MYRFL: variants seen among roughly 807,000 people sequenced by gnomAD.
MYRFL encodes the protein myelin regulatory factor like.
Under a neutral mutation model 109.4 loss-of-function variants are expected in MYRFL, and 88 were observed. The ratio of observed to expected loss-of-function variants is 0.80; its 90% CI spans 0.68 to 0.96. The LOEUF (loss-of-function observed/expected upper bound fraction) is 0.96. MYRFL is among the 40% of genes least tolerant of loss of function. The pLI, the probability that MYRFL is intolerant of heterozygous loss-of-function variation, is 0.00. For missense variants in MYRFL, 957 were observed against 954.9 expected (o/e 1.00, Z -0.03); for synonymous variants, 324 against 320.9 (o/e 1.01, Z -0.10).
Position 69,932,588 on chromosome 12 carries a change from A to T in MYRFL, c.1906A>T (p.Met636Leu). The stretch of plus-strand genomic sequence containing the variant: ...CTTGGTTATAACTCTGATTGCTGTG[A>T]TGGCATTTTGGTAAGAAAAAGTTCA... ...QTLVITLIAV[M>L]AFCALTIVAL... Residue 636 changes from methionine (M) to leucine (L), a missense_variant, in exon 16 of 25, where the codon ATG (methionine) becomes TTG (leucine). Transcript: ENST00000552032. 2 of 1,535,768 alleles carry T rather than the reference A, an allele frequency of 1.3e-6. No homozygotes were observed. The highest frequency in any genetic ancestry group is 1.7e-6 in the Non-Finnish European group (2 of 1,146,584).
Position 69,886,957 on chromosome 12 carries a change from C to G in MYRFL, c.694C>G (p.His232Asp). ...SVPWHSLLNS[H>D]YEKLPDVGYR... Reference sequence around the variant, plus strand: ...TCCTTGGCACAGCTTATTAAACAGTCATTATGAAAAACTGTAAGTGGCTTG... The same window carrying G: ...TCCTTGGCACAGCTTATTAAACAGTGATTATGAAAAACTGTAAGTGGCTTG... The change falls in exon 6 of 25, where the codon CAT (histidine) becomes GAT (aspartate). Residue 232 changes from histidine (H) to aspartate (D), a missense_variant. His to Asp is a moderately conservative substitution (Grantham distance 81, BLOSUM62 -1). Transcript: ENST00000552032. 6.5e-7 allele frequency: 1 copy of G among 1,535,772 alleles called. No homozygotes were observed. The highest frequency in any genetic ancestry group is 8.7e-7 in the Non-Finnish European group (1 of 1,146,666).
intron 15 of MYRFL, among the ~76,000 whole-genome samples, chr12:69,929,497 A>C (rs1429926648): frequency 6.6e-6 from 1 of 152,262 alleles, no homozygotes; most frequent in Non-Finnish European, 1.5e-5. Flanking sequence ...GAGAAGTTAC[A>C]GATGGAATGG....
chr12:69,903,186 A>C (rs979676971), intron 10 of MYRFL, among the ~76,000 whole-genome samples: 1 of 152,234 alleles, frequency 6.6e-6, no homozygotes, highest in Non-Finnish European at 1.5e-5. Context: ...CATAAATATA[A>C]AAGCATTTTG....
At chr12:69,948,847 G>GT (rs1238568828) in intron 19 of MYRFL, among the ~76,000 whole-genome samples, 4 of 152,194 alleles carry the variant, frequency 2.6e-5, no homozygotes, top group Admixed American at 2.6e-4. Context: ...AGAATAAGGA[G>GT]TCTAGCTTCC....
intron 2 of MYRFL, among the ~76,000 whole-genome samples, chr12:69,870,284 G>A (rs1565983720): frequency 6.9e-6 from 1 of 144,454 alleles, no homozygotes; most frequent in African/African-American, 2.6e-5. Flanking sequence ...TGCCATGTTG[G>A]CCAGGCTGGT....
At chr12:69,893,904 T>C in intron 8 of MYRFL, 64 bp downstream of exon 8, 1 of 559,382 alleles carries the variant, frequency 1.8e-6, no homozygotes, top group Non-Finnish European at 2.6e-6. Flanking sequence ...CTTTGTTTTT[T>C]ATATATATAT....
chr12:69,952,824 T>G lies in MYRFL; in HGVS notation c.2313T>G (p.Ile771Met). 1 of 1,535,332 alleles carries G rather than the reference T, an allele frequency of 6.5e-7. No individual in the cohort carries two copies. Among genetic ancestry groups the G allele is most frequent in the Non-Finnish European group, 8.7e-7 (1 of 1,146,278 alleles). ...SDWIDTTISS[I>M]QIMEIQQIID... Reference sequence around the variant, plus strand: ...GGATTGATACAACCATCAGTTCTATTCAGATTATGGAAATCCAGCAAATAA... The same window carrying G: ...GGATTGATACAACCATCAGTTCTATGCAGATTATGGAAATCCAGCAAATAA... Residue 771 changes from isoleucine (I) to methionine (M), a missense_variant, in exon 21 of 25, where the codon ATT becomes ATG. Physicochemically the swap from Ile to Met is conservative, Grantham distance 10. Transcript: ENST00000552032.
chr12:69,843,550 G>C (rs1431248035), intron 1 of MYRFL, among the ~76,000 whole-genome samples: 3 of 152,224 alleles, frequency 2.0e-5, no homozygotes, highest in Admixed American at 2.0e-4. Context: ...AGGGAGTCCT[G>C]AAAGCAAGGT....
At chr12:69,828,572 G>A (rs1431617416) in intron 1 of MYRFL, among the ~76,000 whole-genome samples, 1 of 152,028 alleles carries the variant, frequency 6.6e-6, no homozygotes, top group Non-Finnish European at 1.5e-5. Flanking sequence ...TTTAACGTTT[G>A]CAAAGTTTTA....
intron 2 of MYRFL, among the ~76,000 whole-genome samples, chr12:69,861,002 G>T (rs1251204749): frequency 1.4e-5 from 2 of 147,064 alleles, no homozygotes; most frequent in Non-Finnish European, 3.0e-5. Context: ...GCAGTGTTTG[G>T]TTTTTTGTTC....
At chr12:69,864,648 C>T (rs1254486008) in intron 2 of MYRFL, among the ~76,000 whole-genome samples, 2 of 44,912 alleles carry the variant, frequency 4.5e-5, no homozygotes, top group East Asian at 5.1e-3. Flanking sequence ...CACACACACA[C>T]ACACACACAC....
At chr12:69,886,683 C>T (rs79531750) in intron 5 of MYRFL, 137 bp from the exon 6 acceptor site, 2 of 1,055,822 alleles carry the variant, frequency 1.9e-6, no homozygotes, top group African/African-American at 1.6e-5. Context: ...CAGCAACACA[C>T]CTCCTACCCC....
intron 8 of MYRFL, among the ~76,000 whole-genome samples, chr12:69,895,063 G>A (rs1020325718): frequency 6.6e-6 from 1 of 152,230 alleles, no homozygotes; most frequent in Non-Finnish European, 1.5e-5. Context: ...TTTCCCCATT[G>A]TGGAGGTAAA....
At position 69,952,728 on chromosome 12, in the gene MYRFL, G is replaced by A. The variant is rs369784834; in HGVS notation, c.2288-71G>A. 1,071 of 1,085,390 alleles carry A rather than the reference G, an allele frequency of 9.9e-4. 21 individuals are homozygous for A. The South Asian group carries it at 0.016, about 16-fold the overall frequency. The allele number at this position is 1,085,390 out of a possible 1,614,324, so 67.2% of individuals were successfully genotyped here. A position where few individuals can be genotyped will look rare whatever the true frequency, so the allele number is the denominator to read the frequency against. On this transcript the variant is annotated intron_variant, in intron 20 of 24. Coordinates refer to ENST00000552032, the MANE Select transcript of MYRFL (RefSeq NM_182530.3). ...CTTCCCATTCTGTAATTTGAGGACT[G>A]TGGCTGGAATACAATATTCTTTTTC...
chr12:69,937,588 T>C (rs543913536), intron 19 of MYRFL, among the ~76,000 whole-genome samples: 2 of 152,356 alleles, frequency 1.3e-5, no homozygotes, highest in African/African-American at 4.8e-5. Flanking sequence ...CTCTTAAAGC[T>C]TCCACCTATG....
chr12:69,833,827 G>A (rs959557707), intron 1 of MYRFL, among the ~76,000 whole-genome samples: 1 of 59,238 alleles, frequency 1.7e-5, no homozygotes, highest in African/African-American at 5.0e-5. Context: ...GATAGGGCTT[G>A]CTTTTTTTTT....
intron 1 of MYRFL, among the ~76,000 whole-genome samples, chr12:69,827,686 A>C (rs975113609): frequency 6.6e-5 from 10 of 152,252 alleles, no homozygotes; most frequent in African/African-American, 1.9e-4. Context: ...GGATTTATTA[A>C]TTATGGTTCT....
intron 2 of MYRFL, among the ~76,000 whole-genome samples, chr12:69,878,515 T>C (rs1421468381): frequency 6.6e-6 from 1 of 152,162 alleles, no homozygotes; most frequent in Non-Finnish European, 1.5e-5. Flanking sequence ...TAGATGTATA[T>C]ATATTTGGGG....
intron 2 of MYRFL, among the ~76,000 whole-genome samples, chr12:69,862,179 G>A (rs1404121487): frequency 2.0e-5 from 3 of 151,298 alleles, no homozygotes; most frequent in South Asian, 4.2e-4. Context: ...AAGTCAGGTA[G>A]CATGATGCCT....
Sources: gnomAD v4.1 joint callset for allele counts (sites outside exome capture counted in the v4.1 genomes callset) on GRCh38, gnomAD v4.1.1 for gene constraint, MANE v1.5 for transcripts, NCBI Gene and HGNC (gene_info 2026-07-23, HGNC 2026-07-21) for gene names.